ULK4: variants seen among roughly 807,000 people sequenced by gnomAD.
ULK4 encodes unc-51 like kinase 4, also known as inactive serine/threonine-protein kinase ULK4.
ULK4 carries 133 observed loss-of-function variants against 160.6 expected under a neutral mutation model. The ratio of observed to expected loss-of-function variants is 0.83; its 90% CI spans 0.72 to 0.96. The LOEUF (loss-of-function observed/expected upper bound fraction) is 0.96, where lower values mean the gene tolerates loss of function less well. ULK4 is among the 40% of genes least tolerant of loss of function. The probability of loss-of-function intolerance (pLI) is 0.00; values close to 1 mark genes in which losing one functional copy is unlikely to be tolerated. For missense variants in ULK4, 1,580 were observed against 1,499.5 expected, an observed-to-expected ratio of 1.05 and a Z score of -0.89; for synonymous variants, 534 against 539.8, an observed-to-expected ratio of 0.99 and a Z score of 0.15.
intron 35 of ULK4, among the ~76,000 whole-genome samples, chr3:41,302,864 A>G (rs1169667777): frequency 6.6e-6 from 1 of 152,188 alleles, no homozygotes; most frequent in Non-Finnish European, 1.5e-5. Context: ...CAAATTTTAG[A>G]TAGACAAGTT....
chr3:41,787,720 T>C (rs1188064613), intron 21 of ULK4, among the ~76,000 whole-genome samples: 1 of 152,240 alleles, frequency 6.6e-6, no homozygotes, highest in Non-Finnish European at 1.5e-5. Context: ...ATAAGTTCTA[T>C]GTTATGTGTT....
At chr3:41,757,595 A>T (rs1193646116) in intron 21 of ULK4, among the ~76,000 whole-genome samples, 1 of 144,800 alleles carries the variant, frequency 6.9e-6, no homozygotes, top group Non-Finnish European at 1.5e-5. Context: ...TCGTGCCACT[A>T]CACTCCAGCC....
intron 22 of ULK4, among the ~76,000 whole-genome samples, chr3:41,724,819 T>C (rs759174609): frequency 6.6e-6 from 1 of 152,240 alleles, no homozygotes; most frequent in Non-Finnish European, 1.5e-5. Context: ...TGGGTATATG[T>C]TGGTAACTCA....
chr3:41,681,657 A>C lies in ULK4; in HGVS notation c.2834-5T>G, dbSNP rs1575564125. On this transcript the variant is annotated splice_region_variant and splice_polypyrimidine_tract_variant and intron_variant, in intron 28 of 36. Transcript: ENST00000301831. ...AGCTAAAGAGTCTCCACTCCACTTG[A>C]AAGAAAAAAAAAATGCCAAGAATGT... is the stretch of plus-strand genomic sequence containing the variant. 6.2e-7 allele frequency: 1 copy of C among 1,613,132 alleles called. No individual in the cohort carries two copies.
intron 35 of ULK4, among the ~76,000 whole-genome samples, chr3:41,378,505 C>T (rs552472987): frequency 1.3e-5 from 2 of 151,596 alleles, no homozygotes; most frequent in Non-Finnish European, 2.9e-5. Flanking sequence ...AGCTGGAAAC[C>T]ATCATTATCA....
Position 41,918,854 on chromosome 3 carries a change from A to G in ULK4, c.644-314T>C, listed in dbSNP as rs528757431. 1.0e-3 allele frequency among the ~76,000 whole-genome samples: 158 copies of G among 152,084 alleles called. 1 individual carries two copies. Among genetic ancestry groups the G allele is most frequent in the African/African-American group, 3.5e-3 (144 of 41,510 alleles). On this transcript the variant is annotated intron_variant, in intron 6 of 36. Transcript: ENST00000301831. ...CTGACCTCGTGATCCGCCCGCCTCG[A>G]TCTCCCAAAGTGCTGGGATTACAGG...
intron 31 of ULK4, among the ~76,000 whole-genome samples, chr3:41,593,132 A>T (rs1391690654): frequency 6.6e-6 from 1 of 152,144 alleles, no homozygotes. Flanking sequence ...TTCTTTGCTG[A>T]ACTTTTATTT....
Position 41,909,629 on chromosome 3 carries a change from C to T in ULK4, c.1085+1688G>A, listed in dbSNP as rs189747752. 4.9e-3 allele frequency among the ~76,000 whole-genome samples: 744 copies of T among 151,360 alleles called. 17 individuals are homozygous for T. The highest frequency in any genetic ancestry group is 0.045 in the Admixed American group (692 of 15,210). On this transcript the variant is annotated intron_variant, in intron 11 of 36. Transcript: ENST00000301831. Reference sequence around the variant, plus strand: ...ACTTGGGAGGCTGAGACATGAGAATCGCTTGAACCAGGGAGGTGGAGGCTG... The same window carrying T: ...ACTTGGGAGGCTGAGACATGAGAATTGCTTGAACCAGGGAGGTGGAGGCTG...
At chr3:41,787,905 A>G (rs4973892) in intron 21 of ULK4, among the ~76,000 whole-genome samples, 54,828 of 152,098 alleles carry the variant, frequency 0.36, 11,782 homozygotes, top group Admixed American at 0.51. Flanking sequence ...GTGAAATACT[A>G]TATTTGAAAC....
intron 2 of ULK4, among the ~76,000 whole-genome samples, chr3:41,940,974 G>GCAAACCAT (rs1195487593): frequency 6.6e-6 from 1 of 151,072 alleles, no homozygotes; most frequent in East Asian, 1.9e-4. Context: ...TGCATTACTA[G>GCAAACCAT]CAAACCATCA....
At chr3:41,754,256 TA>T (rs1020736025) in intron 22 of ULK4, 104 bp downstream of exon 22, 673 of 1,293,026 alleles carry the variant, frequency 5.2e-4, no homozygotes, top group South Asian at 6.3e-4. Flanking sequence ...GAAAAACTCT[TA>T]AAAAAAAATA....
intron 22 of ULK4, among the ~76,000 whole-genome samples, chr3:41,749,644 T>C (rs2038548396): frequency 6.6e-6 from 1 of 151,938 alleles, no homozygotes; most frequent in Non-Finnish European, 1.5e-5. Flanking sequence ...TTATGATGGG[T>C]TTATTGAAAT....
chr3:41,449,837 G>A (rs1021157914), intron 34 of ULK4, among the ~76,000 whole-genome samples: 5 of 149,344 alleles, frequency 3.3e-5, no homozygotes, highest in African/African-American at 1.2e-4. Context: ...AACATGAATT[G>A]ATAAGAATCA....
intron 35 of ULK4, among the ~76,000 whole-genome samples, chr3:41,367,753 T>C (rs2081279456): frequency 6.6e-6 from 1 of 152,196 alleles, no homozygotes; most frequent in African/African-American, 2.4e-5. Flanking sequence ...TTCCTACCTA[T>C]TTTGATTACT....
chr3:41,538,140 G>T (rs1452232538), intron 32 of ULK4, among the ~76,000 whole-genome samples: 1 of 151,966 alleles, frequency 6.6e-6, no homozygotes, highest in Non-Finnish European at 1.5e-5. Flanking sequence ...AAATTCTCCA[G>T]CTTTAGATCC....
chr3:41,380,157 C>A (rs2081615375), intron 35 of ULK4, among the ~76,000 whole-genome samples: 1 of 152,172 alleles, frequency 6.6e-6, no homozygotes, highest in Non-Finnish European at 1.5e-5. Context: ...AGATGATTAA[C>A]AGCTGGAGAA....
chr3:41,948,406 G>A (rs957537735), intron 2 of ULK4, among the ~76,000 whole-genome samples: 1 of 151,936 alleles, frequency 6.6e-6, no homozygotes, highest in Non-Finnish European at 1.5e-5. Context: ...AGCCAAGATC[G>A]CACCACTGCA....
chr3:41,366,869 G>A (rs1009394385), intron 35 of ULK4, among the ~76,000 whole-genome samples: 2 of 152,278 alleles, frequency 1.3e-5, no homozygotes, highest in Admixed American at 6.5e-5. Context: ...AAGGGCTTTT[G>A]AATCTGTTTG....
chr3:41,446,727 TGGGGTGGGGGG>T (rs1400489924), intron 34 of ULK4, among the ~76,000 whole-genome samples: 1 of 34,174 alleles, frequency 2.9e-5, no homozygotes, highest in Non-Finnish European at 5.3e-5. Context: ...GGGCCTGTTG[TGGGGTGGGGGG>T]AGGGTGGAGG....
Sources: gnomAD v4.1 joint callset for allele counts (sites outside exome capture counted in the v4.1 genomes callset) on GRCh38, gnomAD v4.1.1 for gene constraint, MANE v1.5 for transcripts, NCBI Gene and HGNC (gene_info 2026-07-23, HGNC 2026-07-21) for gene names.